Variants in HSDL2 observed in about 807,000 individuals in gnomAD.
The protein encoded by HSDL2 is hydroxysteroid dehydrogenase like 2.
A neutral mutation model predicts 46.3 loss-of-function variants in HSDL2; 27 were observed. That is an observed-to-expected ratio of 0.58 (90% CI 0.43 to 0.80). The LOEUF is 0.80. HSDL2 is among the 30% of genes least tolerant of loss of function. The pLI, the probability that HSDL2 is intolerant of heterozygous loss-of-function variation, is 0.00. For synonymous variants in HSDL2, 153 were observed against 163.6 expected (o/e 0.94, Z 0.50); for missense variants, 451 against 502.7 (o/e 0.90, Z 0.98).
chr9:112,408,520 T>C (rs899805555), intron 3 of HSDL2, among the ~76,000 whole-genome samples: 2 of 152,208 alleles, frequency 1.3e-5, no homozygotes, highest in African/African-American at 4.8e-5. Flanking sequence ...AAGGCATTAT[T>C]AGGTGATTTT....
At chr9:112,470,173 A>G (rs1448973393) in intron 10 of HSDL2, among the ~76,000 whole-genome samples, 1 of 152,176 alleles carries the variant, frequency 6.6e-6, no homozygotes, top group Non-Finnish European at 1.5e-5. Context: ...GTGTATAAAA[A>G]TCTTTTTGGT....
At chr9:112,434,661 T>C (rs187273227) in intron 6 of HSDL2, among the ~76,000 whole-genome samples, 5 of 152,138 alleles carry the variant, frequency 3.3e-5, no homozygotes, top group Admixed American at 3.3e-4. Flanking sequence ...CACACATGAG[T>C]GTGTGGATAT....
At chr9:112,398,881 T>C (rs1187989424) in intron 1 of HSDL2, among the ~76,000 whole-genome samples, 1 of 152,324 alleles carries the variant, frequency 6.6e-6, no homozygotes, top group Admixed American at 6.5e-5. Flanking sequence ...CCTCCCTGTT[T>C]TAACAGGAGT....
intron 4 of HSDL2, among the ~76,000 whole-genome samples, chr9:112,413,295 A>G (rs10981399): frequency 0.28 from 42,166 of 152,004 alleles, 6,011 homozygotes; most frequent in Middle Eastern, 0.39. Context: ...CCCGACGAAC[A>G]TGGAGAAACC....
At chr9:112,401,618 AG>A (rs1345599661) in intron 1 of HSDL2, among the ~76,000 whole-genome samples, 1 of 151,358 alleles carries the variant, frequency 6.6e-6, no homozygotes, top group African/African-American at 2.4e-5. Context: ...CTGGGGCCAT[AG>A]TTTGCAGACT....
chr9:112,389,766 A>G (rs1488427816), intron 1 of HSDL2, among the ~76,000 whole-genome samples: 1 of 152,150 alleles, frequency 6.6e-6, no homozygotes, highest in Non-Finnish European at 1.5e-5. Context: ...AGATAATGAG[A>G]TTCTAAAATA....
At chr9:112,442,210 A>G (rs1832653829) in intron 8 of HSDL2, among the ~76,000 whole-genome samples, 1 of 143,136 alleles carries the variant, frequency 7.0e-6, no homozygotes, top group Non-Finnish European at 1.5e-5. Flanking sequence ...TTGAAGTTTC[A>G]GTGAGCCGTG....
intron 1 of HSDL2, 140 bp from the exon 2 acceptor site, chr9:112,403,855 A>G (rs1831662728): frequency 1.4e-6 from 1 of 738,132 alleles, no homozygotes; most frequent in South Asian, 1.8e-5. Flanking sequence ...GTTATCTGCC[A>G]TCAGATGGGC....
intron 6 of HSDL2, among the ~76,000 whole-genome samples, chr9:112,433,568 A>G (rs925224114): frequency 3.3e-5 from 5 of 152,202 alleles, no homozygotes; most frequent in Non-Finnish European, 7.3e-5. Context: ...TGGCATCTGA[A>G]TATGGGATGG....
chr9:112,380,769 G>A (rs1831068940), intron 1 of HSDL2, among the ~76,000 whole-genome samples: 1 of 151,900 alleles, frequency 6.6e-6, no homozygotes, highest in African/African-American at 2.4e-5. Context: ...TCATATCGTT[G>A]TGCAGTCAAT....
At chr9:112,406,309 T>C (rs772194333) in intron 3 of HSDL2, among the ~76,000 whole-genome samples, 1 of 152,206 alleles carries the variant, frequency 6.6e-6, no homozygotes, top group African/African-American at 2.4e-5. Flanking sequence ...CTAAAAGTCC[T>C]GGACACTGCA....
At chr9:112,436,242 C>CAAAAA in intron 6 of HSDL2, among the ~76,000 whole-genome samples, 2 of 77,658 alleles carry the variant, frequency 2.6e-5, no homozygotes, top group African/African-American at 4.5e-5. Context: ...GACCCTATCT[C>CAAAAA]AAAAAAAAAA....
intron 10 of HSDL2, chr9:112,469,666 CAAAAAAAAAAAAA>C (rs398046829): frequency 1.9e-5 from 1 of 52,598 alleles, no homozygotes; most frequent in African/African-American, 7.3e-5. Context: ...GACCTTGTCT[CAAAAAAAAAAAAA>C]AAAAAAAAAA....
chr9:112,468,505 T>C (rs1833461474), intron 10 of HSDL2, among the ~76,000 whole-genome samples: 2 of 152,182 alleles, frequency 1.3e-5, no homozygotes, highest in Non-Finnish European at 2.9e-5. Context: ...TGTTTTCTGA[T>C]GGTTTTTCTT....
chr9:112,430,258 AT>A (rs1832356677), intron 6 of HSDL2, among the ~76,000 whole-genome samples: 1 of 152,178 alleles, frequency 6.6e-6, no homozygotes, highest in African/African-American at 2.4e-5. Context: ...GCCAAAGGTT[AT>A]CTGAGGGAAA....
At chr9:112,450,626 C>CAAAA (rs56114018) in intron 8 of HSDL2, among the ~76,000 whole-genome samples, 1,471 of 120,392 alleles carry the variant, frequency 0.012, 43 homozygotes, top group African/African-American at 0.03. Flanking sequence ...AAGACTGCCT[C>CAAAA]AAAAAAAAAA....
In HSDL2 at chr9:112,408,755, C is replaced by T. The variant is rs1042500716; in HGVS notation, c.281-152C>T. 5.9e-6 allele frequency: 3 copies of T among 511,962 alleles called. No individual in the cohort carries two copies. The African/African-American group carries it at 5.9e-5, about 10-fold the overall frequency. The allele number at this position is 511,962 out of a possible 1,614,324, so 31.7% of individuals were successfully genotyped here. On this transcript the variant is annotated intron_variant, in intron 3 of 10. Coordinates refer to ENST00000398805, the MANE Select transcript of HSDL2 (RefSeq NM_032303.5). ...AAACAGTATTGTAATCTTAAGGGAC[C>T]ATGTTGCGTATATGGGCCATTGTTG...
At chr9:112,431,874 C>CT (rs57619792) in intron 6 of HSDL2, among the ~76,000 whole-genome samples, 8 of 100,060 alleles carry the variant, frequency 8.0e-5, no homozygotes, top group Non-Finnish European at 1.4e-4. Context: ...GTATTTCTTT[C>CT]TTTTTTTTTT....
intron 6 of HSDL2, among the ~76,000 whole-genome samples, chr9:112,431,347 G>A (rs1832392566): frequency 6.6e-6 from 1 of 152,142 alleles, no homozygotes; most frequent in South Asian, 2.1e-4. Context: ...CATCTAGGCA[G>A]TGAGTAGAAG....
Sources: allele counts gnomAD v4.1 joint callset (sites outside exome capture counted in the v4.1 genomes callset), GRCh38; gene constraint gnomAD v4.1.1; transcripts MANE v1.5; gene names NCBI Gene and HGNC (gene_info 2026-07-23, HGNC 2026-07-21).